Variants in SND1 observed in about 807,000 individuals in gnomAD.
The protein encoded by SND1 is staphylococcal nuclease and tudor domain containing 1.
SND1 carries 38 observed loss-of-function variants against 121.7 expected under a neutral mutation model. The observed-to-expected ratio is 0.31, with a 90% confidence interval of 0.24 to 0.41. SND1 has a LOEUF of 0.41. SND1 is among the 10% of genes least tolerant of loss of function. The probability of loss-of-function intolerance (pLI) is 1.00; values close to 1 mark genes in which losing one functional copy is unlikely to be tolerated. For synonymous variants in SND1, 401 were observed against 447.4 expected (o/e 0.90, Z 1.31); for missense variants, 868 against 1,184.6 (o/e 0.73, Z 3.92).
chr7:127,849,930 C>T (rs998853348), intron 12 of SND1, among the ~76,000 whole-genome samples: 1 of 152,174 alleles, frequency 6.6e-6, no homozygotes, highest in African/African-American at 2.4e-5. Flanking sequence ...AATTCTTTCC[C>T]ATGCAGCAGC....
chr7:128,024,061 T>C (rs1222252382), intron 16 of SND1, among the ~76,000 whole-genome samples: 1 of 80,108 alleles, frequency 1.2e-5, no homozygotes, highest in African/African-American at 1.0e-4. Context: ...CTATGCTATA[T>C]TGCTGTGTGT....
At chr7:127,825,271 T>C (rs1798621627) in intron 11 of SND1, among the ~76,000 whole-genome samples, 1 of 152,026 alleles carries the variant, frequency 6.6e-6, no homozygotes, top group Non-Finnish European at 1.5e-5. Context: ...CCACCACACC[T>C]GGCTAATTTT....
At chr7:127,895,980 C>T (rs552316700) in intron 13 of SND1, among the ~76,000 whole-genome samples, 1 of 152,180 alleles carries the variant, frequency 6.6e-6, no homozygotes, top group African/African-American at 2.4e-5. Flanking sequence ...CGCCCTTTAG[C>T]TTTATCTCCT....
At chr7:127,675,062 T>G (rs2116274730) in intron 1 of SND1, among the ~76,000 whole-genome samples, 1 of 152,240 alleles carries the variant, frequency 6.6e-6, no homozygotes, top group South Asian at 2.1e-4. Context: ...TTAGCTGCAC[T>G]TGGTGGCACA....
chr7:127,994,549 CAAAAAAAAAA>C (rs563548702), intron 16 of SND1, among the ~76,000 whole-genome samples: 76 of 46,228 alleles, frequency 1.6e-3, no homozygotes, highest in East Asian at 3.6e-3. Flanking sequence ...CACTTTTACT[CAAAAAAAAAA>C]AAAAAAAAAA....
At chr7:127,774,181 T>C (rs1410791043) in intron 10 of SND1, among the ~76,000 whole-genome samples, 4 of 152,216 alleles carry the variant, frequency 2.6e-5, no homozygotes, top group Admixed American at 2.6e-4. Context: ...TTATTGCCCC[T>C]GAAGACCTTC....
intron 9 of SND1, among the ~76,000 whole-genome samples, chr7:127,716,492 G>GT (rs975682366): frequency 0.023 from 3,239 of 140,432 alleles, 42 homozygotes; most frequent in Middle Eastern, 0.064. Flanking sequence ...ATTTTCTTAG[G>GT]TTTTTTTTTT....
rs1461513347 is a variant in SND1 at position 127,880,421 on chromosome 7, A to AC, written c.1344-7480dup. ...ATATATTTCTTGCGGATAAGGAGGG[A>AC]CTACTGTATTATGGATATACTACCC... On this transcript the variant is annotated intron_variant, in intron 12 of 23. Transcript: ENST00000354725. Among the ~76,000 whole-genome samples, 3 of 152,088 alleles carry AC rather than the reference A, an allele frequency of 2.0e-5. No individual in the cohort carries two copies. In the East Asian group the frequency reaches 5.8e-4, roughly 29 times the overall value.
intron 15 of SND1, among the ~76,000 whole-genome samples, chr7:127,962,540 G>A (rs1039681764): frequency 3.9e-5 from 6 of 152,168 alleles, no homozygotes; most frequent in African/African-American, 1.4e-4. Context: ...AGCAGGATGT[G>A]TATGGCTTTT....
intron 12 of SND1, among the ~76,000 whole-genome samples, chr7:127,880,270 T>C (rs942489582): frequency 2.6e-5 from 4 of 152,170 alleles, no homozygotes; most frequent in African/African-American, 4.8e-5. Flanking sequence ...TATTAGTAGT[T>C]ATTGTTGTTA....
At chr7:127,952,700 A>C (rs971837493) in intron 15 of SND1, among the ~76,000 whole-genome samples, 12 of 152,188 alleles carry the variant, frequency 7.9e-5, no homozygotes, top group Non-Finnish European at 1.5e-4. Flanking sequence ...ATTATCTCTG[A>C]AGTTGCTTAT....
intron 10 of SND1, among the ~76,000 whole-genome samples, chr7:127,770,867 G>A (rs918919584): frequency 2.0e-5 from 3 of 152,186 alleles, no homozygotes; most frequent in African/African-American, 7.2e-5. Flanking sequence ...TAATGTTTCT[G>A]TAAAAGTGCC....
intron 12 of SND1, among the ~76,000 whole-genome samples, chr7:127,885,442 G>C (rs1449584641): frequency 6.6e-6 from 1 of 152,122 alleles, no homozygotes; most frequent in African/African-American, 2.4e-5. Flanking sequence ...AGAGAACATG[G>C]CTTAGATGCT....
intron 10 of SND1, among the ~76,000 whole-genome samples, chr7:127,798,254 T>G (rs1275793296): frequency 1.3e-5 from 2 of 152,204 alleles, no homozygotes; most frequent in Non-Finnish European, 2.9e-5. Flanking sequence ...CAGGGGACAT[T>G]TGTAATCAAG....
chr7:127,833,108 A>G (rs1798794253), intron 11 of SND1, among the ~76,000 whole-genome samples: 1 of 152,132 alleles, frequency 6.6e-6, no homozygotes, highest in Non-Finnish European at 1.5e-5. Flanking sequence ...TGTATTTTAT[A>G]TCCTGAGAAA....
chr7:127,849,373 A>C (rs1264129301), intron 12 of SND1, among the ~76,000 whole-genome samples: 1 of 152,192 alleles, frequency 6.6e-6, no homozygotes, highest in Non-Finnish European at 1.5e-5. Flanking sequence ...AACCCTTAGA[A>C]TCTATTAACT....
intron 10 of SND1, among the ~76,000 whole-genome samples, chr7:127,763,386 G>T (rs1274570213): frequency 6.6e-6 from 1 of 151,960 alleles, no homozygotes; most frequent in Non-Finnish European, 1.5e-5. Context: ...TTGCTCTGTT[G>T]CCCAGGCTGG....
intron 11 of SND1, among the ~76,000 whole-genome samples, chr7:127,813,892 T>G (rs1203861094): frequency 6.6e-6 from 1 of 152,268 alleles, no homozygotes; most frequent in African/African-American, 2.4e-5. Flanking sequence ...TGATGTATGT[T>G]GTAATATCCT....
intron 1 of SND1, among the ~76,000 whole-genome samples, chr7:127,656,611 G>A (rs890407716): frequency 2.6e-5 from 4 of 152,116 alleles, no homozygotes; most frequent in Non-Finnish European, 4.4e-5. Flanking sequence ...TTAGGTTTCT[G>A]AACTAAGAAG....
Sources: gnomAD v4.1 joint callset for allele counts (sites outside exome capture counted in the v4.1 genomes callset) on GRCh38, gnomAD v4.1.1 for gene constraint, MANE v1.5 for transcripts, NCBI Gene and HGNC (gene_info 2026-07-23, HGNC 2026-07-21) for gene names.